The following SOX5 variants were observed in gnomAD, a reference collection of about 807,000 sequenced individuals.
The protein encoded by SOX5 is transcription factor SOX-5.
SOX5 carries 9 observed loss-of-function variants against 92.0 expected under a neutral mutation model. The ratio of observed to expected loss-of-function variants is 0.10; its 90% CI spans 0.06 to 0.17. The LOEUF (loss-of-function observed/expected upper bound fraction) is 0.17. SOX5 is among the 10% of genes least tolerant of loss of function. The pLI, the probability that SOX5 is intolerant of heterozygous loss-of-function variation, is 1.00. For synonymous variants in SOX5, 344 were observed against 336.3 expected (o/e 1.02, Z -0.25); for missense variants, 642 against 944.5 (o/e 0.68, Z 4.20).
intron 6 of SOX5, among the ~76,000 whole-genome samples, chr12:23,716,699 C>G (rs1404330378): frequency 6.6e-6 from 1 of 152,136 alleles, no homozygotes; most frequent in Non-Finnish European, 1.5e-5. Context: ...CCTCTTATAT[C>G]ACTGTATTTA....
intron 1 of SOX5, among the ~76,000 whole-genome samples, chr12:24,545,989 T>C (rs941590211): frequency 7.2e-5 from 11 of 152,178 alleles, no homozygotes; most frequent in Non-Finnish European, 1.0e-4. Flanking sequence ...GCAGGTGGTG[T>C]CCCTGAGAAT....
chr12:23,648,722 T>C (rs2081191784), intron 7 of SOX5, among the ~76,000 whole-genome samples: 2 of 152,138 alleles, frequency 1.3e-5, no homozygotes, highest in South Asian at 4.1e-4. Flanking sequence ...TAAGTTTCTG[T>C]TGTGCAAGCC....
intron 1 of SOX5, among the ~76,000 whole-genome samples, chr12:23,898,369 C>T (rs1454278774): frequency 1.3e-5 from 2 of 152,088 alleles, no homozygotes; most frequent in Admixed American, 6.5e-5. Context: ...CATGTATAGT[C>T]TCTCAATGTC....
At chr12:23,841,477 A>ACC (rs1397314886) in intron 3 of SOX5, among the ~76,000 whole-genome samples, 1 of 152,148 alleles carries the variant, frequency 6.6e-6, no homozygotes, top group African/African-American at 2.4e-5. Context: ...TCTTATGTCC[A>ACC]CATAAAAAGC....
chr12:23,734,982 C>A (rs745365473), intron 5 of SOX5, among the ~76,000 whole-genome samples: 1 of 152,124 alleles, frequency 6.6e-6, no homozygotes, highest in Admixed American at 6.6e-5. Context: ...GCCTAAGATA[C>A]CACGGCAGTG....
chr12:23,671,171 C>A (rs1277508797), intron 6 of SOX5, among the ~76,000 whole-genome samples: 3 of 152,146 alleles, frequency 2.0e-5, no homozygotes, highest in Non-Finnish European at 4.4e-5. Context: ...TGTATGAAAT[C>A]TCAAACAGCA....
At position 23,532,525 on chromosome 12, in the gene SOX5, A is replaced by T. The variant is rs1399846353; in HGVS notation, c.*1694T>A. On this transcript the variant is annotated 3_prime_UTR_variant, in exon 15 of 15. Transcript: ENST00000451604. ...AACTGCCTTGGCATTTGGCTGGCAA[A>T]ATCTACATAAGCAGTCCCATCACAT... The T allele has an allele frequency of 6.6e-6, 1 of 152,260 alleles. No homozygotes were observed. Among genetic ancestry groups the T allele is most frequent in the Non-Finnish European group, 1.5e-5 (1 of 68,072 alleles). The allele number at this position is 152,260 out of a possible 1,614,324, so 9.4% of individuals were successfully genotyped here.
chr12:23,707,589 A>G (rs946265335), intron 6 of SOX5, among the ~76,000 whole-genome samples: 1 of 152,164 alleles, frequency 6.6e-6, no homozygotes, highest in African/African-American at 2.4e-5. Context: ...CTATGTATTT[A>G]AAAATATCAT....
intron 1 of SOX5, among the ~76,000 whole-genome samples, chr12:24,404,668 G>A (rs1053268159): frequency 9.2e-5 from 14 of 152,170 alleles, no homozygotes; most frequent in African/African-American, 2.4e-4. Flanking sequence ...GAAAGAATGC[G>A]AGCTACAGAG....
chr12:24,504,680 C>T (rs1461564108), intron 1 of SOX5, among the ~76,000 whole-genome samples: 3 of 152,140 alleles, frequency 2.0e-5, no homozygotes, highest in African/African-American at 7.2e-5. Context: ...ATAGAACCTA[C>T]TCTTTCCTTC....
rs1939613169 is a variant in SOX5 at position 23,533,894 on chromosome 12, G to A, written c.*325C>T. The A allele has an allele frequency of 4.7e-6, 1 of 214,150 alleles. No individual in the cohort carries two copies. The highest frequency in any genetic ancestry group is 9.4e-5 in the South Asian group (1 of 10,646). 13.3% of individuals were successfully genotyped at this position (214,150 alleles called of 1,614,324 possible). A position where few individuals can be genotyped will look rare whatever the true frequency, so the allele number is the denominator to read the frequency against. ...TTTCTAGAACATTGTAGAACAAACA[G>A]CCATAAAGTTTATTTAAAAAAAAAA... On this transcript the variant is annotated 3_prime_UTR_variant, in exon 15 of 15. Transcript: ENST00000451604.
chr12:23,586,060 CT>C (rs1950684660), intron 9 of SOX5, among the ~76,000 whole-genome samples: 1 of 152,222 alleles, frequency 6.6e-6, no homozygotes, highest in South Asian at 2.1e-4. Flanking sequence ...TGAACATCCC[CT>C]TCCTCTGCAT....
In SOX5 at chr12:24,299,663, C is replaced by T. The variant is rs561117907; in HGVS notation, c.-173-22351G>A. Among the ~76,000 whole-genome samples, 509 of 152,236 alleles carry T rather than the reference C, an allele frequency of 3.3e-3. 2 individuals are homozygous for T. Among genetic ancestry groups the T allele is most frequent in the Non-Finnish European group, 5.5e-3 (371 of 68,006 alleles). The stretch of plus-strand genomic sequence containing the variant: ...GTAGCATTTTTGATTTCCTGATATG[C>T]CTTCCCAACTGGCTCATGAACGTGA... On this transcript the variant is annotated intron_variant, in intron 2 of 4. Transcript: ENST00000446891.
chr12:23,781,657 T>C (rs2141778543), intron 3 of SOX5, among the ~76,000 whole-genome samples: 1 of 152,164 alleles, frequency 6.6e-6, no homozygotes, highest in Middle Eastern at 3.4e-3. Flanking sequence ...CACATTATAA[T>C]GTGTTGTACT....
At chr12:24,444,487 T>C (rs1040904645) in intron 1 of SOX5, among the ~76,000 whole-genome samples, 1 of 152,190 alleles carries the variant, frequency 6.6e-6, no homozygotes, top group Admixed American at 6.5e-5. Flanking sequence ...AATTCCCCCA[T>C]AGGAGATGCT....
chr12:24,534,234 G>A (rs1951436602), intron 1 of SOX5, among the ~76,000 whole-genome samples: 1 of 151,836 alleles, frequency 6.6e-6, no homozygotes. Context: ...CTGCAGTTGA[G>A]GGTTTCATGT....
chr12:23,732,102 C>A (rs2093415378), intron 6 of SOX5, among the ~76,000 whole-genome samples: 4 of 152,072 alleles, frequency 2.6e-5, no homozygotes, highest in Admixed American at 2.6e-4. Flanking sequence ...ATAATATTTG[C>A]TATACATTCC....
At chr12:24,311,014 A>G (rs1949113049) in intron 2 of SOX5, among the ~76,000 whole-genome samples, 1 of 152,246 alleles carries the variant, frequency 6.6e-6, no homozygotes, top group Non-Finnish European at 1.5e-5. Flanking sequence ...AGAAAACTAC[A>G]GAGCAAGAAG....
At chr12:23,818,326 A>G (rs1227303100) in intron 3 of SOX5, among the ~76,000 whole-genome samples, 1 of 152,206 alleles carries the variant, frequency 6.6e-6, no homozygotes, top group East Asian at 1.9e-4. Context: ...TGTGCTGAAT[A>G]CCGTATGCAA....
Sources: allele counts gnomAD v4.1 joint callset (sites outside exome capture counted in the v4.1 genomes callset), GRCh38; gene constraint gnomAD v4.1.1; transcripts MANE v1.5; gene names NCBI Gene and HGNC (gene_info 2026-07-23, HGNC 2026-07-21).